PHIP: variants seen among roughly 807,000 people sequenced by gnomAD.
PHIP encodes PHIP subunit of CUL4-Ring ligase complex.
In PHIP, 54 loss-of-function variants were observed where a neutral mutation model predicts 236.8. The ratio of observed to expected loss-of-function variants is 0.23; its 90% CI spans 0.18 to 0.29. PHIP has a LOEUF of 0.29. Among genes scored for constraint, PHIP ranks in the 10% least tolerant of loss-of-function variants. The probability of loss-of-function intolerance (pLI) is 1.00; values close to 1 mark genes in which losing one functional copy is unlikely to be tolerated. For missense variants in PHIP, 1,370 were observed against 2,190.8 expected (o/e 0.63, Z 7.48); for synonymous variants, 756 against 718.9 (o/e 1.05, Z -0.83).
chr6:79,056,631 G>A (rs943455280), intron 6 of PHIP, among the ~76,000 whole-genome samples: 1 of 152,082 alleles, frequency 6.6e-6, no homozygotes, highest in Non-Finnish European at 1.5e-5. Context: ...AGAGGCCAGG[G>A]ATGCTAATAA....
intron 25 of PHIP, 98 bp downstream of exon 25, chr6:78,970,683 G>A: frequency 1.4e-6 from 1 of 724,768 alleles, no homozygotes; most frequent in South Asian, 1.9e-5. Flanking sequence ...TCTTCATGAT[G>A]CAGTTTCTTA....
chr6:78,980,385 G>T (rs1390797408), intron 23 of PHIP, among the ~76,000 whole-genome samples: 1 of 152,010 alleles, frequency 6.6e-6, no homozygotes, highest in Non-Finnish European at 1.5e-5. Flanking sequence ...GATGGCAGTG[G>T]AGTGGTGAAA....
At chr6:79,040,573 T>G (rs1185711815) in intron 7 of PHIP, among the ~76,000 whole-genome samples, 1 of 152,086 alleles carries the variant, frequency 6.6e-6, no homozygotes, top group African/African-American at 2.4e-5. Flanking sequence ...TAAAGGCTGA[T>G]TCTATCTATT....
At chr6:79,021,721 T>C (rs1042422284) in intron 9 of PHIP, among the ~76,000 whole-genome samples, 1 of 152,114 alleles carries the variant, frequency 6.6e-6, no homozygotes, top group Non-Finnish European at 1.5e-5. Context: ...TATTATAGGC[T>C]GGGAAAGGTA....
At chr6:78,970,585 A>G (rs1454808396) in intron 25 of PHIP, among the ~76,000 whole-genome samples, 196 bp downstream of exon 25, 1 of 152,136 alleles carries the variant, frequency 6.6e-6, no homozygotes, top group Non-Finnish European at 1.5e-5. Context: ...ACTGCATTGG[A>G]GTATATAAAT....
chr6:79,071,728 T>C (rs1773889806), intron 4 of PHIP, among the ~76,000 whole-genome samples: 1 of 152,130 alleles, frequency 6.6e-6, no homozygotes, highest in African/African-American at 2.4e-5. Context: ...ACAAGGAAAC[T>C]ACTAGTAAGA....
intron 36 of PHIP, 29 bp from the exon 37 acceptor site, chr6:78,946,903 C>A: frequency 6.7e-7 from 1 of 1,482,454 alleles, no homozygotes; most frequent in Non-Finnish European, 9.0e-7. Flanking sequence ...AGTGTTCAAC[C>A]ATTCCTTGGA....
chr6:79,066,815 A>AT (rs1377691546), intron 4 of PHIP, among the ~76,000 whole-genome samples: 1 of 152,182 alleles, frequency 6.6e-6, no homozygotes, highest in Non-Finnish European at 1.5e-5. Context: ...ATTTGTTACT[A>AT]TTTTTTAAAT....
At chr6:78,965,623 T>A in intron 29 of PHIP, 80 bp downstream of exon 29, 2 of 786,762 alleles carry the variant, frequency 2.5e-6, no homozygotes, top group South Asian at 3.3e-5. Flanking sequence ...CTGTAAGTGG[T>A]AGCATGTTAG....
intron 4 of PHIP, chr6:79,067,906 G>C (rs1384733372): frequency 3.3e-5 from 5 of 152,724 alleles, no homozygotes; most frequent in African/African-American, 4.8e-5. Context: ...CAGTATGGAA[G>C]AAACAAGAAA....
chr6:79,037,177 A>G (rs573888502), intron 7 of PHIP, among the ~76,000 whole-genome samples: 6 of 152,182 alleles, frequency 3.9e-5, no homozygotes, highest in Non-Finnish European at 5.9e-5. Flanking sequence ...TATTTAACTG[A>G]CATGTCTCAT....
At position 78,965,581 on chromosome 6, in the gene PHIP, C is replaced by G. The variant is rs185678037; in HGVS notation, c.3379+122G>C. The G allele has an allele frequency of 7.4e-5, 46 of 619,954 alleles. No homozygotes were observed. The African/African-American group carries it at 7.9e-4, about 11-fold the overall frequency. 38.4% of individuals were successfully genotyped at this position (619,954 alleles called of 1,614,324 possible). A position where few individuals can be genotyped will look rare whatever the true frequency, so the allele number is the denominator to read the frequency against. ...CAAGGTGTACAATAATAAATATTTGCCAAATGAATGTTTTCTATTTGATAC... is the reference window on the plus strand; with the variant it reads ...CAAGGTGTACAATAATAAATATTTGGCAAATGAATGTTTTCTATTTGATAC... On this transcript the variant is annotated intron_variant, in intron 29 of 39. Coordinates refer to ENST00000275034, the MANE Select transcript of PHIP (RefSeq NM_017934.7).
rs573337052 is a variant in PHIP, at chr6:78,984,617, G to A, written c.2537+735C>T. ...AAAGAAATTCAATTTTTCCTTCATTGACCTGTTTTGAATACAGAAAACTAC... is the reference window on the plus strand; with the variant it reads ...AAAGAAATTCAATTTTTCCTTCATTAACCTGTTTTGAATACAGAAAACTAC... On this transcript the variant is annotated intron_variant, in intron 22 of 39. Transcript: ENST00000275034. 4.6e-5 allele frequency among the ~76,000 whole-genome samples: 7 copies of A among 152,106 alleles called. No individual in the cohort carries two copies. In the East Asian group the frequency reaches 1.4e-3, roughly 29 times the overall value.
Position 78,941,320 on chromosome 6 carries a change from C to G in PHIP, c.4839G>C (p.Lys1613Asn). 3 of 1,612,296 alleles carry G rather than the reference C, an allele frequency of 1.9e-6. No individual in the cohort carries two copies. The highest frequency in any genetic ancestry group is 2.5e-6 in the Non-Finnish European group (3 of 1,179,050). Reference protein sequence around the residue: ...SSAVIEQGDCKNNALVPGTIQ... With the variant: ...SSAVIEQGDCNNNALVPGTIQ... ...TGGTTCCTGGTACAAGAGCGTTGTT[C>G]TTACAATCTCCTAAAAGGGAACAAC... Residue 1613 changes from lysine to asparagine, a missense_variant, in exon 40 of 40, where the codon AAG becomes AAC. Physicochemically the swap from Lys to Asn is moderately conservative, Grantham distance 94. Around this residue, in one of 14 missense-constraint regions of PHIP, gnomAD observed 309 missense variants for 328.3 expected, o/e 0.94. Coordinates refer to ENST00000275034, the MANE Select transcript of PHIP (RefSeq NM_017934.7).
chr6:79,030,608 T>C (rs980573285), intron 7 of PHIP, among the ~76,000 whole-genome samples: 6 of 152,304 alleles, frequency 3.9e-5, no homozygotes, highest in East Asian at 1.9e-4. Context: ...ATGGTCACTA[T>C]AGTATTTTAG....
At chr6:79,004,482 C>T in intron 15 of PHIP, 1 of 803,194 alleles carries the variant, frequency 1.2e-6, no homozygotes, top group Non-Finnish European at 1.5e-6. Context: ...GAATTTTTTG[C>T]TCTCAGTGCT....
chr6:79,017,326 A>T lies in PHIP; in HGVS notation c.1136+20T>A. 2 of 1,374,960 alleles carry T rather than the reference A, an allele frequency of 1.5e-6. No homozygotes were observed. The highest frequency in any genetic ancestry group is 2.0e-6 in the Non-Finnish European group (2 of 994,098). 85.2% of individuals were successfully genotyped at this position (1,374,960 alleles called of 1,614,324 possible). A position where few individuals can be genotyped will look rare whatever the true frequency, so the allele number is the denominator to read the frequency against. ...ATTTCATAATTTTAAAATTAGAATT[A>T]AATTAGACAAATATTTTACCTGTTA... On this transcript the variant is annotated intron_variant, in intron 12 of 39. Transcript: ENST00000275034.
intron 21 of PHIP, 91 bp from the exon 22 acceptor site, chr6:78,985,519 A>G (rs1442612819): frequency 1.3e-6 from 1 of 775,526 alleles, no homozygotes; most frequent in Non-Finnish European, 2.3e-6. Context: ...TTATAATATC[A>G]GTCATATTGG....
At chr6:79,054,659 T>G (rs1308518929) in intron 6 of PHIP, among the ~76,000 whole-genome samples, 1 of 151,120 alleles carries the variant, frequency 6.6e-6, no homozygotes, top group Non-Finnish European at 1.5e-5. Context: ...TCTCATATAT[T>G]TGTAATATAA....
Sources: gnomAD v4.1 joint callset for allele counts (sites outside exome capture counted in the v4.1 genomes callset) on GRCh38, gnomAD v4.1.1 for gene constraint, gnomAD v4.1.1 regional missense constraint, MANE v1.5 for transcripts, NCBI Gene and HGNC (gene_info 2026-07-23, HGNC 2026-07-21) for gene names.